Variants in SLC12A7 observed in about 807,000 individuals in gnomAD.
SLC12A7 encodes K-Cl cotransporter 4.
A neutral mutation model predicts 120.6 loss-of-function variants in SLC12A7; 100 were observed. That is an observed-to-expected ratio of 0.83 (90% CI 0.71 to 0.98). The LOEUF (loss-of-function observed/expected upper bound fraction) is 0.98, where lower values mean the gene tolerates loss of function less well. SLC12A7 is among the 50% of genes least tolerant of loss of function. The pLI is 0.00. For missense variants in SLC12A7, 1,373 were observed against 1,548.1 expected (o/e 0.89, Z 1.90); for synonymous variants, 760 against 678.0 (o/e 1.12, Z -1.88).
chr5:1,069,647 C>G (rs1158075375), intron 17 of SLC12A7, among the ~76,000 whole-genome samples: 1 of 152,190 alleles, frequency 6.6e-6, no homozygotes, highest in Non-Finnish European at 1.5e-5. Flanking sequence ...ATGAGGTGCC[C>G]TTGGCATGAA....
chr5:1,075,635 TG>T, intron 14 of SLC12A7, 145 bp from the exon 15 acceptor site: 1 of 1,298,162 alleles, frequency 7.7e-7, no homozygotes, highest in Non-Finnish European at 1.0e-6. Context: ...CGACCATGGC[TG>T]TACTCAACCA....
At chr5:1,054,933 T>C (rs1459448762) in intron 22 of SLC12A7, among the ~76,000 whole-genome samples, 1 of 152,072 alleles carries the variant, frequency 6.6e-6, no homozygotes, top group African/African-American at 2.4e-5. Context: ...CAATTACCAG[T>C]GTGTTTGGGG....
In SLC12A7 at chr5:1,083,860, G is replaced by C; in HGVS notation, c.1014C>G (p.Leu338=). The change falls in exon 8 of 24, where the codon CTC becomes CTG. Residue 338 remains leucine (L), a synonymous_variant. Coordinates refer to ENST00000264930, the MANE Select transcript of SLC12A7 (RefSeq NM_006598.3). ...GIHNNSATSA[L]WGLFCNGSQP... is the part of the protein sequence containing the mutation. ...GGGAGCCGTTGCAGAAGAGGCCCCA[G>C]AGCGCGGAGGTGGCTGAGTTGTTGT... 1 of 1,607,392 alleles carries C rather than the reference G, an allele frequency of 6.2e-7. No individual in the cohort carries two copies. The highest frequency in any genetic ancestry group is 1.1e-5 in the South Asian group (1 of 90,620).
chr5:1,110,785 TG>T (rs1181246968), intron 1 of SLC12A7, among the ~76,000 whole-genome samples: 1 of 152,218 alleles, frequency 6.6e-6, no homozygotes, highest in Non-Finnish European at 1.5e-5. Flanking sequence ...GGCTGGCCTC[TG>T]TGCAGAGGAA....
At chr5:1,131,066 T>C in the SLC12A7 span, among the ~76,000 whole-genome samples, 8 of 152,086 alleles carry the variant, frequency 5.3e-5, no homozygotes, top group Non-Finnish European at 1.2e-4. Context: ...TAGCAAGGCC[T>C]GGACTAGGAG....
chr5:1,152,113 C>T, the SLC12A7 span, among the ~76,000 whole-genome samples: 1 of 152,126 alleles, frequency 6.6e-6, no homozygotes, highest in African/African-American at 2.4e-5. Context: ...CTCCCTGTCT[C>T]CCCTCCCCTC....
At chr5:1,060,516 G>A (rs1440545745) in intron 20 of SLC12A7, 65 bp from the exon 21 acceptor site, 2 of 1,308,362 alleles carry the variant, frequency 1.5e-6, no homozygotes, top group African/African-American at 2.9e-5. Context: ...TCCAACACCA[G>A]CCCGGTACCC....
chr5:1,069,103 G>A (rs551686823), intron 17 of SLC12A7, among the ~76,000 whole-genome samples: 11 of 152,388 alleles, frequency 7.2e-5, no homozygotes, highest in South Asian at 6.2e-4. Context: ...GCCTGAACCC[G>A]TGGTGAGCCA....
intron 20 of SLC12A7, among the ~76,000 whole-genome samples, chr5:1,061,016 T>A (rs1736145862): frequency 6.8e-6 from 1 of 147,704 alleles, no homozygotes; most frequent in African/African-American, 2.6e-5. Context: ...TCCCTGAGTC[T>A]CACCCGCCGC....
At chr5:1,056,290 CG>C (rs1735601624) in intron 22 of SLC12A7, among the ~76,000 whole-genome samples, 1 of 152,218 alleles carries the variant, frequency 6.6e-6, no homozygotes, top group Non-Finnish European at 1.5e-5. Context: ...CCCTCCACTC[CG>C]GAGCGGCTCG....
At chr5:1,078,987 G>C (rs1738686387) in intron 10 of SLC12A7, among the ~76,000 whole-genome samples, 1 of 152,166 alleles carries the variant, frequency 6.6e-6, no homozygotes, top group Non-Finnish European at 1.5e-5. Flanking sequence ...CGGGGCCCTG[G>C]GGTGGTGGAC....
At chr5:1,108,146 A>G (rs1424210596) in intron 1 of SLC12A7, among the ~76,000 whole-genome samples, 2 of 152,264 alleles carry the variant, frequency 1.3e-5, no homozygotes, top group East Asian at 3.8e-4. Flanking sequence ...CATGGCTCAC[A>G]CGTGGATACA....
chr5:1,085,193 C>G (rs1247169038), intron 7 of SLC12A7, 39 bp downstream of exon 7: 2 of 1,604,678 alleles, frequency 1.2e-6, no homozygotes, highest in East Asian at 4.5e-5. Flanking sequence ...CTGGCCCCAG[C>G]CCCACACCCA....
chr5:1,069,814 T>A (rs1348022213), intron 17 of SLC12A7, among the ~76,000 whole-genome samples: 2 of 152,110 alleles, frequency 1.3e-5, no homozygotes, highest in African/African-American at 4.8e-5. Flanking sequence ...ATAAGAAGTT[T>A]GAAAATCAGA....
At chr5:1,069,833 G>A (rs1737466719) in intron 17 of SLC12A7, among the ~76,000 whole-genome samples, 1 of 152,112 alleles carries the variant, frequency 6.6e-6, no homozygotes, top group Non-Finnish European at 1.5e-5. Context: ...GAGAAATGAA[G>A]ACACAAAGTC....
At position 1,051,270 on chromosome 5, in the gene SLC12A7, C is replaced by T. The variant is rs773427202; in HGVS notation, c.*1090G>A. The T allele has an allele frequency of 1.1e-4, 24 of 226,216 alleles. No individual in the cohort carries two copies. Among genetic ancestry groups the T allele is most frequent in the South Asian group, 1.8e-4 (1 of 5,492 alleles). The allele number at this position is 226,216 out of a possible 1,614,324, so 14.0% of individuals were successfully genotyped here. A position where few individuals can be genotyped will look rare whatever the true frequency, so the allele number is the denominator to read the frequency against. On this transcript the variant is annotated 3_prime_UTR_variant, in exon 24 of 24. Coordinates refer to ENST00000264930, the MANE Select transcript of SLC12A7 (RefSeq NM_006598.3). Reference sequence around the variant, plus strand: ...TCAGCCAGACAGACCTGACACCAGGCGCCACTGCTGCCTGAGGACCTCCCA... The same window carrying T: ...TCAGCCAGACAGACCTGACACCAGGTGCCACTGCTGCCTGAGGACCTCCCA...
chr5:1,141,456 G>A, the SLC12A7 span, among the ~76,000 whole-genome samples: 2 of 49,244 alleles, frequency 4.1e-5, no homozygotes, highest in Admixed American at 4.4e-4. Flanking sequence ...CAGCCGCCAT[G>A]GGCACCAGAG....
chr5:1,114,805 C>T (rs1462823107), upstream of SLC12A7, among the ~76,000 whole-genome samples: 1 of 152,244 alleles, frequency 6.6e-6, no homozygotes, highest in South Asian at 2.1e-4. Flanking sequence ...GTAGCTCCTC[C>T]GTCCGCAGTC....
rs767978276 is a variant in SLC12A7, at chr5:1,077,935, G to C, written c.1527C>G (p.Ile509Met). The change falls in exon 12 of 24, where the codon ATC (isoleucine) becomes ATG (methionine). Residue 509 changes from isoleucine (I) to methionine (M), a missense_variant. Ile to Met is a conservative substitution (Grantham distance 10). Coordinates refer to ENST00000264930, the MANE Select transcript of SLC12A7 (RefSeq NM_006598.3). The stretch of plus-strand genomic sequence containing the variant: ...CACCGCAGGTGGAGAAGAAGGAGCC[G>C]ATGACGATGACCCAGGGGGAGGGCC... ...LAWPSPWVIV[I>M]GSFFSTCGAG... 1 of 1,601,546 alleles carries C rather than the reference G, an allele frequency of 6.2e-7. No homozygotes were observed. Among genetic ancestry groups the C allele is most frequent in the Non-Finnish European group, 8.5e-7 (1 of 1,174,594 alleles).
Sources: gnomAD v4.1 joint callset for allele counts (sites outside exome capture counted in the v4.1 genomes callset) on GRCh38, gnomAD v4.1.1 for gene constraint, MANE v1.5 for transcripts, NCBI Gene and HGNC (gene_info 2026-07-23, HGNC 2026-07-21) for gene names.